ADAMTS19: variants seen among roughly 807,000 people sequenced by gnomAD.
The protein encoded by ADAMTS19 is A disintegrin and metalloproteinase with thrombospondin motifs 19.
In ADAMTS19, 93 loss-of-function variants were observed where a neutral mutation model predicts 153.3. The ratio of observed to expected loss-of-function variants is 0.61; its 90% CI spans 0.51 to 0.72. The LOEUF is 0.72. Ranked by LOEUF, ADAMTS19 falls within the 30% of genes least tolerant of loss-of-function variation. The pLI is 0.00. For missense variants in ADAMTS19, 1,482 were observed against 1,552.1 expected (o/e 0.95, Z 0.76); for synonymous variants, 600 against 556.6 (o/e 1.08, Z -1.10).
chr5:129,733,179 A>T (rs558991386), intron 21 of ADAMTS19, among the ~76,000 whole-genome samples: 1 of 152,238 alleles, frequency 6.6e-6, no homozygotes, highest in Non-Finnish European at 1.5e-5. Context: ...TAAAGACTTG[A>T]ACATAAGACC....
intron 6 of ADAMTS19, among the ~76,000 whole-genome samples, chr5:129,547,507 A>G (rs1433057451): frequency 1.3e-5 from 2 of 150,628 alleles, no homozygotes; most frequent in Non-Finnish European, 2.9e-5. Context: ...CATCAACCAC[A>G]ATTTAATGTT....
intron 8 of ADAMTS19, among the ~76,000 whole-genome samples, chr5:129,601,993 G>A (rs1199563314): frequency 6.6e-6 from 1 of 152,220 alleles, no homozygotes; most frequent in Non-Finnish European, 1.5e-5. Flanking sequence ...GGACTTAGAG[G>A]TTACTTCCAA....
At chr5:129,606,276 G>A (rs1750888499) in intron 8 of ADAMTS19, among the ~76,000 whole-genome samples, 1 of 152,140 alleles carries the variant, frequency 6.6e-6, no homozygotes, top group Non-Finnish European at 1.5e-5. Flanking sequence ...GAATAGAGGG[G>A]AGGGCCAGGT....
In ADAMTS19 at chr5:129,704,274, G is replaced by T. The variant is rs150982672; in HGVS notation, c.3195G>T (p.Arg1065=). The change falls in exon 21 of 23, where the codon CGG becomes CGT. Residue 1065 remains arginine (R), a synonymous_variant. Coordinates refer to ENST00000274487, the MANE Select transcript of ADAMTS19 (RefSeq NM_133638.6). ...AGTGTGGCAAAGGCATACGTCATCG[G>T]ACCGTTAGATGTACCAACCCAAGAA... The part of the protein sequence containing the change: ...SVKCGKGIRH[R]TVRCTNPRKK... 19 of 1,613,900 alleles carry T rather than the reference G, an allele frequency of 1.2e-5. No individual in the cohort carries two copies. The African/African-American group carries it at 2.4e-4, about 20-fold the overall frequency.
chr5:129,732,303 A>G (rs768182817), intron 21 of ADAMTS19, among the ~76,000 whole-genome samples: 1 of 152,148 alleles, frequency 6.6e-6, no homozygotes, highest in Non-Finnish European at 1.5e-5. Flanking sequence ...ACTCCTCAAC[A>G]TAGCCCTGGA....
intron 11 of ADAMTS19, among the ~76,000 whole-genome samples, chr5:129,645,788 A>G (rs1334358129): frequency 6.6e-6 from 1 of 151,872 alleles, no homozygotes; most frequent in East Asian, 1.9e-4. Context: ...CAACTTTCAC[A>G]TTGAATTTTT....
chr5:129,539,844 T>C, intron 6 of ADAMTS19, among the ~76,000 whole-genome samples: 1 of 151,984 alleles, frequency 6.6e-6, no homozygotes. Context: ...TACTCACTTG[T>C]GGGACAAGGC....
At chr5:129,553,493 G>T (rs944787890) in intron 7 of ADAMTS19, among the ~76,000 whole-genome samples, 28 of 152,140 alleles carry the variant, frequency 1.8e-4, no homozygotes, top group African/African-American at 6.3e-4. Context: ...GATTTGGCAG[G>T]AAAGCAATTT....
chr5:129,679,944 C>A (rs1343738746), intron 17 of ADAMTS19, 23 bp downstream of exon 17: 18 of 1,598,412 alleles, frequency 1.1e-5, no homozygotes, highest in Non-Finnish European at 1.5e-5. Context: ...GAATTGATAA[C>A]ATGGCATAAT....
chr5:129,587,812 T>C lies in ADAMTS19; in HGVS notation c.1373-8747T>C, dbSNP rs145217813. On this transcript the variant is annotated intron_variant, in intron 7 of 22. Coordinates refer to ENST00000274487, the MANE Select transcript of ADAMTS19 (RefSeq NM_133638.6). The stretch of plus-strand genomic sequence containing the variant: ...CTGGGTGGCACCTCCCACCCCCAGG[T>C]TTTTTGTTGTTGTTGTTGTTGTTTC... Among the ~76,000 whole-genome samples, 931 of 152,128 alleles carry C rather than the reference T, an allele frequency of 6.1e-3. 14 individuals are homozygous for C. The highest frequency in any genetic ancestry group is 0.021 in the African/African-American group (872 of 41,514).
In ADAMTS19 at chr5:129,461,448, G is replaced by C. The variant is rs1023008129; in HGVS notation, c.438G>C (p.Trp146Cys). ...AALSPGAPAS[W>C]QPPPPPQPPP... ...TGTCCCCGGGCGCCCCGGCCTCGTG[G>C]CAGCCGCCGCCTCCCCCGCAGCCGC... The change falls in exon 2 of 23, where the codon TGG becomes TGC. Residue 146 changes from tryptophan (W) to cysteine (C), a missense_variant. Physicochemically the swap from Trp to Cys is radical, Grantham distance 215 (BLOSUM62 -2). This residue lies in a region of ADAMTS19 where 866 missense variants were observed against 827.7 expected (regional missense o/e 1.05). Transcript: ENST00000274487. This position sits in a 1 kb window ranked among gnomAD's most constrained non-coding sequence, Gnocchi z 4.6. 59 of 1,438,330 alleles carry C rather than the reference G, an allele frequency of 4.1e-5. No individual in the cohort carries two copies. Among genetic ancestry groups the C allele is most frequent in the Non-Finnish European group, 5.2e-5 (57 of 1,106,308 alleles). The allele number at this position is 1,438,330 out of a possible 1,614,324, so 89.1% of individuals were successfully genotyped here.
chr5:129,731,694 G>A (rs1254359280), intron 21 of ADAMTS19, among the ~76,000 whole-genome samples: 1 of 151,956 alleles, frequency 6.6e-6, no homozygotes, highest in African/African-American at 2.4e-5. Context: ...CGTAAAGGAA[G>A]AATTGACAGC....
intron 2 of ADAMTS19, among the ~76,000 whole-genome samples, chr5:129,480,652 T>A (rs1336705446): frequency 1.3e-5 from 2 of 152,122 alleles, no homozygotes; most frequent in Non-Finnish European, 2.9e-5. Context: ...GATAATATTA[T>A]TAGTCATTAA....
intron 18 of ADAMTS19, among the ~76,000 whole-genome samples, chr5:129,685,010 A>C (rs1755016609): frequency 6.6e-6 from 1 of 151,862 alleles, no homozygotes; most frequent in Admixed American, 6.6e-5. Flanking sequence ...AAAGAAAAAA[A>C]AAAAGAAGTC....
At chr5:129,626,930 A>G (rs1421306259) in intron 10 of ADAMTS19, among the ~76,000 whole-genome samples, 1 of 152,128 alleles carries the variant, frequency 6.6e-6, no homozygotes, top group Non-Finnish European at 1.5e-5. Flanking sequence ...GACCTGGGAA[A>G]GTTTCCTAGA....
Position 129,735,128 on chromosome 5 carries a change from A to C in ADAMTS19, c.3490+19A>C, listed in dbSNP as rs1212471501. ...AGACTGGGTAAGCAGACAAAAAAAA[A>C]AGATGCTTTTGAAAAACATAGAAAT... On this transcript the variant is annotated intron_variant, in intron 22 of 22. Transcript: ENST00000274487. The C allele has an allele frequency of 1.3e-6, 2 of 1,534,388 alleles. No homozygotes were observed. Among genetic ancestry groups the C allele is most frequent in the South Asian group, 1.3e-5 (1 of 79,390 alleles).
intron 9 of ADAMTS19, among the ~76,000 whole-genome samples, chr5:129,621,631 T>C (rs1027426577): frequency 2.0e-5 from 3 of 152,224 alleles, no homozygotes; most frequent in Admixed American, 6.6e-5. Context: ...AGCCCTTCTG[T>C]AGGCCCTAAT....
rs1182437821 is a variant in ADAMTS19 at position 129,522,299 on chromosome 5, GTATA to G, written c.914-3970_914-3967del. ...TATGCGTAGTTGTATGTGTGTGTGT[GTATA>G]TATATATATATATACACACACACAC... On this transcript the variant is annotated intron_variant, in intron 3 of 22. Coordinates refer to ENST00000274487, the MANE Select transcript of ADAMTS19 (RefSeq NM_133638.6). 8.5e-3 allele frequency among the ~76,000 whole-genome samples: 826 copies of G among 97,530 alleles called. 4 individuals carry two copies. The highest frequency in any genetic ancestry group is 0.012 in the Non-Finnish European group (629 of 51,678). The allele number at this position is 97,530 out of a possible 152,430, so 64.0% of individuals were successfully genotyped here. A position where few individuals can be genotyped will look rare whatever the true frequency, so the allele number is the denominator to read the frequency against.
In ADAMTS19 at chr5:129,685,597, T is replaced by C. The variant is rs148057235; in HGVS notation, c.2818+1324T>C. On this transcript the variant is annotated intron_variant, in intron 18 of 22. Coordinates refer to ENST00000274487, the MANE Select transcript of ADAMTS19 (RefSeq NM_133638.6). ...ATCCTATAAAAATTAATAAAGTGTT[T>C]GGCTCCAAAGACTGTGTGGATGGAT... 2.3e-3 allele frequency among the ~76,000 whole-genome samples: 354 copies of C among 152,270 alleles called. 5 individuals are homozygous for C. Among genetic ancestry groups the C allele is most frequent in the Non-Finnish European group, 5.3e-4 (36 of 68,016 alleles).
Sources: allele counts gnomAD v4.1 joint callset (sites outside exome capture counted in the v4.1 genomes callset), GRCh38; gene constraint gnomAD v4.1.1; regional missense constraint gnomAD v4.1.1; non-coding constraint Gnocchi (gnomAD v3.1); transcripts MANE v1.5; gene names NCBI Gene and HGNC (gene_info 2026-07-23, HGNC 2026-07-21).